SYNPR: variants seen among roughly 807,000 people sequenced by gnomAD.
The protein encoded by SYNPR is synaptoporin.
SYNPR carries 23 observed loss-of-function variants against 32.9 expected under a neutral mutation model. That is an observed-to-expected ratio of 0.70 (90% CI 0.50 to 0.99). SYNPR has a LOEUF of 0.99. SYNPR is among the 50% of genes least tolerant of loss of function. The probability of loss-of-function intolerance (pLI) is 0.00; values close to 1 mark genes in which losing one functional copy is unlikely to be tolerated. For synonymous variants in SYNPR, 146 were observed against 135.9 expected (o/e 1.07, Z -0.52); for missense variants, 318 against 349.3 (o/e 0.91, Z 0.71).
At chr3:63,566,165 T>G (rs1702786230) in intron 4 of SYNPR, among the ~76,000 whole-genome samples, 1 of 152,202 alleles carries the variant, frequency 6.6e-6, no homozygotes, top group Non-Finnish European at 1.5e-5. Flanking sequence ...TTATGGAATT[T>G]GAGCCAATTA....
At chr3:63,591,399 G>C (rs1278348277) in intron 4 of SYNPR, among the ~76,000 whole-genome samples, 8 of 127,540 alleles carry the variant, frequency 6.3e-5, no homozygotes, top group South Asian at 3.3e-4. Context: ...TCAGTGTGGC[G>C]ATTCCTCAGG....
At chr3:63,358,190 C>T (rs189969627) in intron 2 of SYNPR, among the ~76,000 whole-genome samples, 1 of 152,320 alleles carries the variant, frequency 6.6e-6, no homozygotes, top group African/African-American at 2.4e-5. Context: ...TAACAAATTA[C>T]CACAAACTTA....
At chr3:63,344,101 T>C (rs1221564535) in intron 2 of SYNPR, among the ~76,000 whole-genome samples, 1 of 152,214 alleles carries the variant, frequency 6.6e-6, no homozygotes, top group African/African-American at 2.4e-5. Context: ...TTCTTTCACA[T>C]TGTCTAGCTC....
In SYNPR at chr3:63,278,542, T is replaced by G. The variant is rs1004784500; in HGVS notation, c.9T>G (p.Pro3=). 6.4e-7 allele frequency: 1 copy of G among 1,550,732 alleles called. No individual in the cohort carries two copies. The highest frequency in any genetic ancestry group is 1.2e-5 in the South Asian group (1 of 83,980). The part of the protein sequence containing the change: MD[P]VSQLASAGTF... ...GCGAGCGAGGGCGAGCTATGGACCC[T>G]GTGAGTCAGGTGAGACAGAACTGGG... The change falls in exon 1 of 6, where the codon CCT becomes CCG. Residue 3 remains proline (P), a synonymous_variant. Coordinates refer to ENST00000478300, the MANE Select transcript of SYNPR (RefSeq NM_001130003.2).
chr3:63,424,455 C>G lies in SYNPR; in HGVS notation c.85-56377C>G, dbSNP rs115529509. 4.9e-3 allele frequency among the ~76,000 whole-genome samples: 745 copies of G among 152,220 alleles called. 6 individuals carry two copies. Among genetic ancestry groups the G allele is most frequent in the African/African-American group, 0.017 (710 of 41,536 alleles). ...TCCTCTTTTGCAAAATGAGAACAAT[C>G]TCTACCTTGGAGAATGATTGAGACA... is the stretch of plus-strand genomic sequence containing the variant. On this transcript the variant is annotated intron_variant, in intron 2 of 5. Transcript: ENST00000478300.
chr3:63,476,147 AAGGGAGGG>A (rs371319706), intron 2 of SYNPR, among the ~76,000 whole-genome samples: 9 of 20,316 alleles, frequency 4.4e-4, no homozygotes, highest in South Asian at 2.7e-3. Flanking sequence ...GGAAGGAAGG[AAGGGAGGG>A]AGGGAGGGAG....
intron 2 of SYNPR, among the ~76,000 whole-genome samples, chr3:63,339,110 T>G (rs1013400911): frequency 1.3e-5 from 2 of 152,232 alleles, no homozygotes; most frequent in African/African-American, 4.8e-5. Flanking sequence ...TGATATTGCT[T>G]GGTAAAGCGC....
At chr3:63,334,149 A>G (rs1038917913) in intron 2 of SYNPR, among the ~76,000 whole-genome samples, 1 of 152,246 alleles carries the variant, frequency 6.6e-6, no homozygotes, top group African/African-American at 2.4e-5. Context: ...TGGTTTAGCT[A>G]TAGAATTCAG....
chr3:63,272,612 C>T (rs1003090687), intron 3 of SYNPR, among the ~76,000 whole-genome samples: 2 of 150,968 alleles, frequency 1.3e-5, no homozygotes, highest in African/African-American at 4.9e-5. Flanking sequence ...AGGAAATGAT[C>T]CACAGGCCTC....
At chr3:63,256,911 A>G (rs893431847) in intron 2 of SYNPR, among the ~76,000 whole-genome samples, 7 of 152,230 alleles carry the variant, frequency 4.6e-5, no homozygotes, top group Non-Finnish European at 7.3e-5. Flanking sequence ...CACGAGAACT[A>G]CGTGACGAAT....
At chr3:63,288,944 C>T (rs1339966556) in intron 2 of SYNPR, among the ~76,000 whole-genome samples, 5 of 152,112 alleles carry the variant, frequency 3.3e-5, no homozygotes, top group African/African-American at 1.2e-4. Flanking sequence ...CCATTTTATA[C>T]CAAAAATTTT....
chr3:63,601,228 G>T (rs1220034132), intron 4 of SYNPR, among the ~76,000 whole-genome samples: 4 of 151,420 alleles, frequency 2.6e-5, no homozygotes, highest in African/African-American at 9.7e-5. Flanking sequence ...AGCCGAGATC[G>T]TGCCATTGCA....
chr3:63,528,922 GATC>G (rs944760053), intron 3 of SYNPR, among the ~76,000 whole-genome samples: 15 of 152,156 alleles, frequency 9.9e-5, no homozygotes, highest in African/African-American at 3.4e-4. Flanking sequence ...AGAAATAAGT[GATC>G]CATAGAATTG....
At chr3:63,224,212 A>G (rs2106867947), upstream of SYNPR, among the ~76,000 whole-genome samples, 1 of 152,318 alleles carries the variant, frequency 6.6e-6, no homozygotes, top group African/African-American at 2.4e-5. Flanking sequence ...CTCCTGTCAG[A>G]TCAGCTGCAG....
At chr3:63,259,804 T>C (rs2086421289) in intron 2 of SYNPR, among the ~76,000 whole-genome samples, 1 of 152,200 alleles carries the variant, frequency 6.6e-6, no homozygotes, top group African/African-American at 2.4e-5. Flanking sequence ...GCCGATGACA[T>C]GATTGTATAT....
chr3:63,298,850 C>T lies in SYNPR; in HGVS notation c.84+20108C>T, dbSNP rs112686045. Among the ~76,000 whole-genome samples the T allele has an allele frequency of 5.7e-3, 860 of 152,178 alleles. 3 individuals carry two copies. The highest frequency in any genetic ancestry group is 0.02 in the Middle Eastern group (6 of 294). ...TTAATCCCATTGGGGACTCTGGGAC[C>T]GGTGTAGAACATACCTTGGCTACAA... On this transcript the variant is annotated intron_variant, in intron 2 of 5. Coordinates refer to ENST00000478300, the MANE Select transcript of SYNPR (RefSeq NM_001130003.2).
At chr3:63,548,473 T>C (rs934715773) in intron 3 of SYNPR, among the ~76,000 whole-genome samples, 3 of 151,762 alleles carry the variant, frequency 2.0e-5, no homozygotes, top group African/African-American at 7.3e-5. Flanking sequence ...ATAAGCTGAG[T>C]AAGTAAGAGT....
At chr3:63,341,865 G>T (rs1443908158) in intron 2 of SYNPR, among the ~76,000 whole-genome samples, 1 of 151,990 alleles carries the variant, frequency 6.6e-6, no homozygotes, top group Non-Finnish European at 1.5e-5. Context: ...AATGTTAATG[G>T]AGTCCAAATT....
chr3:63,361,964 T>G (rs114903227), intron 2 of SYNPR, among the ~76,000 whole-genome samples: 2,564 of 152,342 alleles, frequency 0.017, 87 homozygotes, highest in African/African-American at 0.055. Flanking sequence ...TTTGCCCATA[T>G]GCAATTATTT....
Sources: gnomAD v4.1 joint callset for allele counts (sites outside exome capture counted in the v4.1 genomes callset) on GRCh38, gnomAD v4.1.1 for gene constraint, MANE v1.5 for transcripts, NCBI Gene and HGNC (gene_info 2026-07-23, HGNC 2026-07-21) for gene names.